Variants in TNIK observed in about 807,000 individuals in gnomAD.
The protein encoded by TNIK is TRAF2 and NCK-interacting protein kinase.
Under a neutral mutation model 191.3 loss-of-function variants are expected in TNIK, and 49 were observed. The ratio of observed to expected loss-of-function variants is 0.26; its 90% CI spans 0.20 to 0.32. The LOEUF is 0.32. Among genes scored for constraint, TNIK ranks in the 10% least tolerant of loss-of-function variants. TNIK has a pLI of 1.00. For missense variants in TNIK, 1,155 were observed against 1,702.3 expected (o/e 0.68, Z 5.66); for synonymous variants, 594 against 600.9 (o/e 0.99, Z 0.17).
At chr3:171,336,734 C>A (rs938114242) in intron 2 of TNIK, among the ~76,000 whole-genome samples, 1 of 152,120 alleles carries the variant, frequency 6.6e-6, no homozygotes, top group Admixed American at 6.5e-5. Context: ...ACTTACCAAC[C>A]AACAGTGATA....
chr3:171,284,329 AT>A (rs1201099442), intron 2 of TNIK, among the ~76,000 whole-genome samples: 2 of 152,174 alleles, frequency 1.3e-5, no homozygotes, highest in Non-Finnish European at 2.9e-5. Flanking sequence ...CTATTCCCCA[AT>A]TTTTTAATTT....
At chr3:171,337,747 T>G (rs1757101549) in intron 2 of TNIK, among the ~76,000 whole-genome samples, 1 of 152,228 alleles carries the variant, frequency 6.6e-6, no homozygotes, top group African/African-American at 2.4e-5. Context: ...ATGAAGTGCC[T>G]GGCCATTTCA....
At chr3:171,244,066 T>TTTG in intron 2 of TNIK, among the ~76,000 whole-genome samples, 1 of 150,944 alleles carries the variant, frequency 6.6e-6, no homozygotes, top group South Asian at 2.1e-4. Flanking sequence ...AATAGTTTTT[T>TTTG]TTTTTTTTTT....
At chr3:171,175,169 A>C in intron 9 of TNIK, 83 bp downstream of exon 9, 1 of 1,275,434 alleles carries the variant, frequency 7.8e-7, no homozygotes. Flanking sequence ...TATCAGCAGG[A>C]CCTAGGGATT....
At chr3:171,347,234 A>AAAAG (rs1553758290) in intron 2 of TNIK, 1 of 1,524,228 alleles carries the variant, frequency 6.6e-7, no homozygotes, top group Non-Finnish European at 8.7e-7. Flanking sequence ...AAAAAAAAAA[A>AAAAG]AAGAAAAGAA....
intron 2 of TNIK, among the ~76,000 whole-genome samples, chr3:171,310,083 C>G (rs1021651976): frequency 1.3e-5 from 2 of 150,906 alleles, no homozygotes; most frequent in Non-Finnish European, 3.0e-5. Context: ...TACTTCTTTA[C>G]TCATTTTTCA....
intron 2 of TNIK, among the ~76,000 whole-genome samples, chr3:171,259,302 A>T (rs1281009884): frequency 1.3e-5 from 2 of 152,226 alleles, no homozygotes; most frequent in Non-Finnish European, 2.9e-5. Context: ...GAATCTTTCA[A>T]GAGTCGCCAT....
chr3:171,194,954 GCAGT>G (rs1738515891), intron 4 of TNIK, among the ~76,000 whole-genome samples: 1 of 151,738 alleles, frequency 6.6e-6, no homozygotes, highest in African/African-American at 2.4e-5. Flanking sequence ...TTTTAACTCA[GCAGT>G]CAAATTTTCA....
intron 26 of TNIK, among the ~76,000 whole-genome samples, chr3:171,083,590 A>G (rs1265175706): frequency 6.6e-6 from 1 of 152,198 alleles, no homozygotes; most frequent in Non-Finnish European, 1.5e-5. Flanking sequence ...ATGCAGATTG[A>G]TGTTTTAAAC....
intron 2 of TNIK, among the ~76,000 whole-genome samples, chr3:171,250,477 A>T (rs562508285): frequency 6.6e-5 from 10 of 152,356 alleles, no homozygotes; most frequent in African/African-American, 2.2e-4. Context: ...AACCTGATAG[A>T]CTTAAAAAAT....
intron 2 of TNIK, among the ~76,000 whole-genome samples, chr3:171,368,783 A>G (rs1362997311): frequency 1.3e-5 from 2 of 152,148 alleles, no homozygotes; most frequent in Non-Finnish European, 2.9e-5. Context: ...TTTGTAATGG[A>G]AATGCCATCC....
intron 9 of TNIK, among the ~76,000 whole-genome samples, chr3:171,168,172 G>C (rs188937809): frequency 6.6e-6 from 1 of 152,176 alleles, no homozygotes; most frequent in African/African-American, 2.4e-5. Context: ...AGTTAAGCAC[G>C]CATGTTCTTG....
At chr3:171,187,429 C>CAA (rs1737497406) in intron 7 of TNIK, among the ~76,000 whole-genome samples, 1 of 152,160 alleles carries the variant, frequency 6.6e-6, no homozygotes, top group Admixed American at 6.5e-5. Flanking sequence ...TTCAGACCTT[C>CAA]AAGCTTGCAA....
intron 10 of TNIK, 143 bp downstream of exon 10, chr3:171,166,952 G>T: frequency 9.8e-7 from 1 of 1,019,610 alleles, no homozygotes; most frequent in Non-Finnish European, 1.3e-6. Flanking sequence ...ATGCCCAGAG[G>T]CTGTGGTCTC....
intron 1 of TNIK, among the ~76,000 whole-genome samples, chr3:171,410,718 G>A (rs1722282843): frequency 7.0e-6 from 1 of 143,648 alleles, no homozygotes; most frequent in Non-Finnish European, 1.5e-5. Context: ...GGTGGAGCTT[G>A]CAGTGAGTCG....
chr3:171,121,656 T>C (rs1187579675), intron 18 of TNIK, among the ~76,000 whole-genome samples: 1 of 152,234 alleles, frequency 6.6e-6, no homozygotes, highest in Non-Finnish European at 1.5e-5. Flanking sequence ...TAAACTGTTA[T>C]TCTTTTAGGT....
intron 1 of TNIK, among the ~76,000 whole-genome samples, chr3:171,417,442 C>A (rs1723231713): frequency 6.6e-6 from 1 of 152,162 alleles, no homozygotes; most frequent in Non-Finnish European, 1.5e-5. Context: ...TGCATCTTCA[C>A]TAACCCTCTT....
intron 2 of TNIK, among the ~76,000 whole-genome samples, chr3:171,246,380 CTG>C (rs1411925903): frequency 1.3e-5 from 2 of 152,076 alleles, no homozygotes; most frequent in Non-Finnish European, 1.5e-5. Flanking sequence ...AATAGATAGT[CTG>C]TAAGATTTGT....
intron 1 of TNIK, among the ~76,000 whole-genome samples, chr3:171,373,539 T>C (rs1358741280): frequency 1.3e-5 from 2 of 152,192 alleles, no homozygotes; most frequent in African/African-American, 4.8e-5. Context: ...TAGTTAATTC[T>C]TTCTTCCTTC....
Sources: gnomAD v4.1 joint callset for allele counts (sites outside exome capture counted in the v4.1 genomes callset) on GRCh38, gnomAD v4.1.1 for gene constraint, MANE v1.5 for transcripts, NCBI Gene and HGNC (gene_info 2026-07-23, HGNC 2026-07-21) for gene names.